SLC5A7: variants seen among roughly 807,000 people sequenced by gnomAD.
SLC5A7 encodes high affinity choline transporter 1.
Under a neutral mutation model 55.4 loss-of-function variants are expected in SLC5A7, and 19 were observed. The observed-to-expected ratio is 0.34, with a 90% CI of 0.24 to 0.50. SLC5A7 has a LOEUF of 0.50. Among genes scored for constraint, SLC5A7 ranks in the 20% least tolerant of loss-of-function variants. The pLI, the probability that SLC5A7 is intolerant of heterozygous loss-of-function variation, is 0.98. For missense variants in SLC5A7, 506 were observed against 705.3 expected (o/e 0.72, Z 3.20); for synonymous variants, 265 against 263.7 (o/e 1.00, Z -0.05).
chr2:108,004,636 T>C (rs1197075083), intron 6 of SLC5A7, among the ~76,000 whole-genome samples: 1 of 152,228 alleles, frequency 6.6e-6, no homozygotes, highest in African/African-American at 2.4e-5. Flanking sequence ...AGCAGTAATC[T>C]AGCCAAAAGT....
chr2:107,994,449 G>A (rs561745175), intron 4 of SLC5A7, among the ~76,000 whole-genome samples: 87 of 152,236 alleles, frequency 5.7e-4, no homozygotes, highest in Non-Finnish European at 1.0e-3. Context: ...CAGGCGTGGT[G>A]GCGGGCGCCT....
rs1027922396 is a variant in SLC5A7 at position 107,997,920 on chromosome 2, G to C, written c.531G>C (p.Leu177=). 5 of 1,613,944 alleles carry C rather than the reference G, an allele frequency of 3.1e-6. No homozygotes were observed. Among genetic ancestry groups the C allele is most frequent in the African/African-American group, 1.3e-5 (1 of 75,026 alleles). The change falls in exon 5 of 9, where the codon CTG becomes CTC. Residue 177 remains leucine (L), a synonymous_variant. Coordinates refer to ENST00000264047, the MANE Select transcript of SLC5A7 (RefSeq NM_021815.5). ...CACTCATTGCCACTCTGTACACACT[G>C]GTGGGAGGGCTCTATTCTGTGGCCT... ...ISALIATLYT[L]VGGLYSVAYT...
rs564366562 is a variant in SLC5A7 at position 108,006,933 on chromosome 2, T to G, written c.895+731T>G. ...TTGAAGAAAGTGATGGATAAGCATT[T>G]AGGTCAAGACAAACAAACAAAGTCA... is the stretch of plus-strand genomic sequence containing the variant. On this transcript the variant is annotated intron_variant, in intron 7 of 8. Transcript: ENST00000264047. Among the ~76,000 whole-genome samples the G allele has an allele frequency of 2.0e-5, 3 of 152,306 alleles. No homozygotes were observed. The South Asian group carries it at 6.2e-4, about 32-fold the overall frequency.
chr2:107,992,113 G>A lies in SLC5A7; in HGVS notation c.186G>A (p.Trp62Ter). The A allele has an allele frequency of 6.2e-7, 1 of 1,610,712 alleles. No individual in the cohort carries two copies. Reference sequence around the variant, plus strand: ...CTTTTCATTCTGTTTCAGCTACCTGGGTCGGAGGAGGGTATATCAATGGCA... The same window carrying A: ...CTTTTCATTCTGTTTCAGCTACCTGAGTCGGAGGAGGGTATATCAATGGCA... The part of the protein sequence containing the change: ...LVGGFTMTAT[W>*]VGGGYINGTA... The change falls in exon 3 of 9, where the codon TGG becomes TGA. Residue 62 changes from tryptophan (W) to a stop codon, truncating the protein, a stop_gained. Coordinates refer to ENST00000264047, the MANE Select transcript of SLC5A7 (RefSeq NM_021815.5). LOFTEE classifies it high-confidence loss of function.
At chr2:108,005,494 G>A (rs1678072772) in intron 6 of SLC5A7, among the ~76,000 whole-genome samples, 2 of 152,214 alleles carry the variant, frequency 1.3e-5, no homozygotes, top group South Asian at 4.1e-4. Context: ...AGAAATAATT[G>A]CTGTATGTAA....
At chr2:108,005,369 A>C (rs1243161476) in intron 6 of SLC5A7, among the ~76,000 whole-genome samples, 1 of 152,214 alleles carries the variant, frequency 6.6e-6, no homozygotes. Flanking sequence ...TCATACTTTC[A>C]AAATCTTAAT....
chr2:108,009,914 T>A (rs1678251759), intron 8 of SLC5A7, among the ~76,000 whole-genome samples: 1 of 152,134 alleles, frequency 6.6e-6, no homozygotes, highest in Admixed American at 6.5e-5. Context: ...AGTGAGGAAA[T>A]CTTCCCTTGC....
intron 6 of SLC5A7, 145 bp from the exon 7 acceptor site, chr2:108,005,904 A>G: frequency 3.4e-6 from 3 of 888,980 alleles, no homozygotes; most frequent in Non-Finnish European, 5.0e-6. Context: ...AAACATAATG[A>G]TACTAATTGA....
At chr2:107,999,497 A>G (rs986902547) in intron 5 of SLC5A7, among the ~76,000 whole-genome samples, 5 of 152,204 alleles carry the variant, frequency 3.3e-5, no homozygotes, top group Non-Finnish European at 7.3e-5. Flanking sequence ...TGACAGTGCA[A>G]ATATGTTAGA....
At chr2:108,002,433 A>G (rs1261734627) in intron 6 of SLC5A7, among the ~76,000 whole-genome samples, 1 of 152,244 alleles carries the variant, frequency 6.6e-6, no homozygotes, top group African/African-American at 2.4e-5. Context: ...CTCTTGAATT[A>G]CAGAGTAAGT....
intron 2 of SLC5A7, among the ~76,000 whole-genome samples, chr2:107,988,621 CAG>C (rs1677334143): frequency 6.6e-6 from 1 of 152,046 alleles, no homozygotes; most frequent in African/African-American, 2.4e-5. Context: ...TGGGTGGAAA[CAG>C]AGTAAAAACA....
chr2:107,992,241 A>C, intron 3 of SLC5A7, 22 bp downstream of exon 3: 316 of 1,372,818 alleles, frequency 2.3e-4, no homozygotes, highest in Non-Finnish European at 3.0e-4. Context: ...TGCAAATCTC[A>C]GTGACTCACT....
chr2:107,992,970 AG>A lies in SLC5A7; in HGVS notation c.293del. 6.2e-7 allele frequency: 1 copy of A among 1,612,624 alleles called. No individual in the cohort carries two copies. The highest frequency in any genetic ancestry group is 8.5e-7 in the Non-Finnish European group (1 of 1,179,456). On this transcript the variant is annotated splice_acceptor_variant, in intron 3 of 8. Coordinates refer to ENST00000264047, the MANE Select transcript of SLC5A7 (RefSeq NM_021815.5). LOFTEE classifies it high-confidence loss of function. ...TCTCCTAAACAGTTGCTTAATTTTT[AG>A]GTGGCCTGTTCTTTGCAAAACCTAT...
chr2:108,007,694 G>A (rs1193766869), intron 7 of SLC5A7, among the ~76,000 whole-genome samples: 4 of 152,184 alleles, frequency 2.6e-5, no homozygotes, highest in African/African-American at 9.7e-5. Context: ...AGAAAAAATG[G>A]TAGGATCCAA....
chr2:108,013,141 A>G lies in SLC5A7; in HGVS notation c.*2280A>G, dbSNP rs1166474031. ...AACCACACTTAAATCCAGTGGGGAA[A>G]AAAAGGTTAACAGTAAAAATTTCTT... is the stretch of plus-strand genomic sequence containing the variant. On this transcript the variant is annotated 3_prime_UTR_variant, in exon 9 of 9. Coordinates refer to ENST00000264047, the MANE Select transcript of SLC5A7 (RefSeq NM_021815.5). 1 of 152,164 alleles carries G rather than the reference A, an allele frequency of 6.6e-6. No homozygotes were observed. Among genetic ancestry groups the G allele is most frequent in the Admixed American group, 6.6e-5 (1 of 15,264 alleles). The allele number at this position is 152,164 out of a possible 1,614,324, so 9.4% of individuals were successfully genotyped here.
At chr2:107,999,635 G>A (rs1046137406) in intron 5 of SLC5A7, among the ~76,000 whole-genome samples, 4 of 152,152 alleles carry the variant, frequency 2.6e-5, no homozygotes, top group Admixed American at 1.3e-4. Flanking sequence ...TTTAATTGCT[G>A]TGTGAGCATA....
At chr2:107,994,563 G>C (rs938949494) in intron 4 of SLC5A7, among the ~76,000 whole-genome samples, 2 of 152,100 alleles carry the variant, frequency 1.3e-5, no homozygotes, top group African/African-American at 4.8e-5. Flanking sequence ...TCCAGCCTGG[G>C]CGACAGAGTG....
chr2:107,993,220 C>T (rs1677524966), intron 4 of SLC5A7, 93 bp downstream of exon 4: 1 of 1,367,848 alleles, frequency 7.3e-7, no homozygotes, highest in Admixed American at 2.3e-5. Flanking sequence ...CTTCTGAGGA[C>T]ATTTTTATTA....
chr2:107,994,908 G>A (rs1237017340), intron 4 of SLC5A7, among the ~76,000 whole-genome samples: 3 of 152,126 alleles, frequency 2.0e-5, no homozygotes, highest in Admixed American at 6.5e-5. Context: ...AGAAAGAATA[G>A]AATTAATAAG....
Sources: allele counts gnomAD v4.1 joint callset (sites outside exome capture counted in the v4.1 genomes callset), GRCh38; gene constraint gnomAD v4.1.1; transcripts MANE v1.5; gene names NCBI Gene and HGNC (gene_info 2026-07-23, HGNC 2026-07-21).